Variants in WWOX observed in about 807,000 individuals in gnomAD.
The protein encoded by WWOX is WW domain-containing oxidoreductase.
Under a neutral mutation model 46.2 loss-of-function variants are expected in WWOX, and 69 were observed. The observed-to-expected ratio is 1.49, with a 90% CI of 1.23 to 1.82. The LOEUF (loss-of-function observed/expected upper bound fraction) is 1.82, where lower values mean the gene tolerates loss of function less well. WWOX is among the 40% of genes most tolerant of loss of function. WWOX has a pLI of 0.00. For missense variants in WWOX, 919 were observed against 542.6 expected (o/e 1.69, Z -6.89); for synonymous variants, 359 against 202.6 (o/e 1.77, Z -6.56).
At chr16:78,602,590 C>T (rs539811066) in intron 8 of WWOX, among the ~76,000 whole-genome samples, 4 of 152,270 alleles carry the variant, frequency 2.6e-5, no homozygotes, top group South Asian at 4.1e-4. Context: ...TAGCATCATC[C>T]CTTTCCATGC....
intron 8 of WWOX, among the ~76,000 whole-genome samples, chr16:78,500,633 A>T (rs1233808795): frequency 6.6e-6 from 1 of 152,094 alleles, no homozygotes; most frequent in Non-Finnish European, 1.5e-5. Flanking sequence ...ACAATTTATA[A>T]AATGGGGGGC....
At chr16:78,862,168 C>T (rs904544090) in intron 8 of WWOX, among the ~76,000 whole-genome samples, 2 of 151,702 alleles carry the variant, frequency 1.3e-5, no homozygotes, top group Admixed American at 1.3e-4. Flanking sequence ...CTGTCTGTAT[C>T]TATACACACC....
At chr16:78,269,917 T>TTTTTTTTG (rs1555511806) in intron 5 of WWOX, among the ~76,000 whole-genome samples, 2 of 150,768 alleles carry the variant, frequency 1.3e-5, no homozygotes, top group Non-Finnish European at 3.0e-5. Context: ...TAAGGAAGTT[T>TTTTTTTTG]TTTTTTTTTT....
At chr16:78,843,248 C>G (rs1044929914) in intron 8 of WWOX, among the ~76,000 whole-genome samples, 1 of 150,148 alleles carries the variant, frequency 6.7e-6, no homozygotes, top group Non-Finnish European at 1.5e-5. Flanking sequence ...CCAGATCCTT[C>G]ATGAGCTTGT....
chr16:78,189,046 A>T (rs540014557), intron 5 of WWOX, among the ~76,000 whole-genome samples: 1 of 152,110 alleles, frequency 6.6e-6, no homozygotes, highest in Non-Finnish European at 1.5e-5. Flanking sequence ...CTGAGGCCCA[A>T]CCTTCCTGTT....
intron 8 of WWOX, among the ~76,000 whole-genome samples, chr16:78,681,117 C>G (rs573313736): frequency 6.6e-6 from 1 of 152,110 alleles, no homozygotes; most frequent in Non-Finnish European, 1.5e-5. Context: ...AGCGTGGTGG[C>G]GCATGCCTGT....
chr16:78,963,493 A>G (rs1377024268), intron 8 of WWOX, among the ~76,000 whole-genome samples: 1 of 152,158 alleles, frequency 6.6e-6, no homozygotes, highest in Non-Finnish European at 1.5e-5. Context: ...TAAACAAACA[A>G]AAAGCTAAAT....
rs1242947819 is a variant in WWOX at position 78,661,584 on chromosome 16, A to C, written c.1056+228832A>C. ...TTCTTATTTTTATCATTTTCCGTAA[A>C]GGTAGGATTGTGTTGACAGCCCTGT... On this transcript the variant is annotated intron_variant, in intron 8 of 8. Transcript: ENST00000566780. Among the ~76,000 whole-genome samples, 11 of 138,982 alleles carry C rather than the reference A, an allele frequency of 7.9e-5. 1 individual carries two copies. The allele number at this position is 138,982 out of a possible 152,430, so 91.2% of individuals were successfully genotyped here. A position where few individuals can be genotyped will look rare whatever the true frequency, so the allele number is the denominator to read the frequency against.
intron 8 of WWOX, among the ~76,000 whole-genome samples, chr16:78,452,910 T>C (rs979103814): frequency 6.7e-6 from 1 of 148,768 alleles, no homozygotes; most frequent in East Asian, 2.0e-4. Context: ...TCTTACTCTG[T>C]TGCCCAGGCT....
chr16:79,013,628 C>A (rs928398721), intron 8 of WWOX, among the ~76,000 whole-genome samples: 1 of 152,150 alleles, frequency 6.6e-6, no homozygotes, highest in African/African-American at 2.4e-5. Context: ...CCTGTGCTGC[C>A]TGGGTCCCGG....
rs145947318 is a variant in WWOX, at chr16:78,384,578, G to T, written c.517-2282G>T. ...TGGCAGTTGCCCTCTTTATAGGGGG[G>T]ATGTGGCGTCACCTTATAGCAGACC... On this transcript the variant is annotated intron_variant, in intron 5 of 8. Coordinates refer to ENST00000566780, the MANE Select transcript of WWOX (RefSeq NM_016373.4). Among the ~76,000 whole-genome samples, 12 of 152,216 alleles carry T rather than the reference G, an allele frequency of 7.9e-5. No homozygotes were observed. The East Asian group carries it at 1.9e-3, about 25-fold the overall frequency.
At chr16:78,295,386 C>T (rs2079927879) in intron 5 of WWOX, among the ~76,000 whole-genome samples, 1 of 152,110 alleles carries the variant, frequency 6.6e-6, no homozygotes, top group African/African-American at 2.4e-5. Flanking sequence ...TTATTATCTC[C>T]AACACTGGCT....
intron 5 of WWOX, among the ~76,000 whole-genome samples, chr16:78,261,114 A>G (rs2079221360): frequency 6.6e-6 from 1 of 151,186 alleles, no homozygotes; most frequent in South Asian, 2.1e-4. Flanking sequence ...ATCATTTCAC[A>G]TTCACATTTT....
chr16:79,040,652 T>C (rs537337869), intron 8 of WWOX, among the ~76,000 whole-genome samples: 3 of 152,242 alleles, frequency 2.0e-5, no homozygotes, highest in African/African-American at 7.2e-5. Flanking sequence ...AGTTTTGCTT[T>C]AGTTCCCACC....
intron 8 of WWOX, among the ~76,000 whole-genome samples, chr16:78,654,590 T>G (rs1248485273): frequency 1.3e-5 from 2 of 152,130 alleles, no homozygotes; most frequent in African/African-American, 4.8e-5. Flanking sequence ...ATATAAATAG[T>G]TTTTTAGGTG....
intron 8 of WWOX, among the ~76,000 whole-genome samples, chr16:78,639,800 A>T (rs2046659772): frequency 6.6e-6 from 1 of 152,138 alleles, no homozygotes; most frequent in Admixed American, 6.5e-5. Flanking sequence ...TCCTGACCTC[A>T]GGTGATCCAC....
Position 79,212,329 on chromosome 16 carries a change from C to T in WWOX, c.*533C>T, listed in dbSNP as rs1013926644. 3 of 750,932 alleles carry T rather than the reference C, an allele frequency of 4.0e-6. No individual in the cohort carries two copies. The highest frequency in any genetic ancestry group is 3.0e-5 in the Admixed American group (1 of 33,024). The allele number at this position is 750,932 out of a possible 1,614,324, so 46.5% of individuals were successfully genotyped here. A position where few individuals can be genotyped will look rare whatever the true frequency, so the allele number is the denominator to read the frequency against. On this transcript the variant is annotated 3_prime_UTR_variant, in exon 9 of 9. Transcript: ENST00000566780. ...GGGAGACAAATCTCAGAACCTTGTC[C>T]CAGCCAGTGAGGATGACAGTGACAC...
chr16:78,792,284 T>G (rs1455577086), intron 8 of WWOX, among the ~76,000 whole-genome samples: 4 of 152,330 alleles, frequency 2.6e-5, no homozygotes, highest in East Asian at 3.9e-4. Context: ...TGATCTAGGC[T>G]GGACTTGGCT....
chr16:78,969,439 T>C (rs558933929), intron 8 of WWOX, among the ~76,000 whole-genome samples: 9 of 152,126 alleles, frequency 5.9e-5, no homozygotes, highest in African/African-American at 1.7e-4. Context: ...GCCCAGCTAA[T>C]TTTGTATTTC....
Sources: allele counts gnomAD v4.1 joint callset (sites outside exome capture counted in the v4.1 genomes callset), GRCh38; gene constraint gnomAD v4.1.1; transcripts MANE v1.5; gene names NCBI Gene and HGNC (gene_info 2026-07-23, HGNC 2026-07-21).